TTC3: variants seen among roughly 807,000 people sequenced by gnomAD.
TTC3 encodes tetratricopeptide repeat domain 3.
A neutral mutation model predicts 249.6 loss-of-function variants in TTC3; 180 were observed. The ratio of observed to expected loss-of-function variants is 0.72; its 90% confidence interval spans 0.64 to 0.82. The LOEUF (loss-of-function observed/expected upper bound fraction) is 0.82. Among genes scored for constraint, TTC3 ranks in the 40% least tolerant of loss-of-function variants. TTC3 has a pLI of 0.00. For synonymous variants in TTC3, 717 were observed against 805.0 expected (o/e 0.89, Z 1.85); for missense variants, 2,061 against 2,398.4 (o/e 0.86, Z 2.94).
intron 11 of TTC3, among the ~76,000 whole-genome samples, chr21:37,119,992 A>G (rs1238834636): frequency 7.2e-5 from 11 of 152,188 alleles, no homozygotes; most frequent in Non-Finnish European, 1.5e-4. Flanking sequence ...TGATTGAGTC[A>G]TGTGCCCACC....
At chr21:37,156,607 G>A (rs770000204) in intron 27 of TTC3, 48 bp from the exon 28 acceptor site, 1 of 1,562,990 alleles carries the variant, frequency 6.4e-7, no homozygotes, top group African/African-American at 1.4e-5. Flanking sequence ...TGATTTTACA[G>A]TAAATAATTT....
chr21:37,197,345 G>A (rs901857850), intron 42 of TTC3, among the ~76,000 whole-genome samples: 3 of 151,168 alleles, frequency 2.0e-5, no homozygotes, highest in African/African-American at 4.9e-5. Context: ...CAGGGATCGC[G>A]CCACTGCCCT....
At chr21:37,141,124 A>G (rs556867432) in intron 20 of TTC3, among the ~76,000 whole-genome samples, 19 of 152,306 alleles carry the variant, frequency 1.2e-4, no homozygotes, top group East Asian at 9.7e-4. Flanking sequence ...TCTGAACTCT[A>G]TTGTAGTTGT....
At chr21:37,094,310 G>A (rs2073676316) in intron 8 of TTC3, among the ~76,000 whole-genome samples, 1 of 152,120 alleles carries the variant, frequency 6.6e-6, no homozygotes, top group South Asian at 2.1e-4. Flanking sequence ...TTAATGAGTT[G>A]AAGAAATATG....
intron 19 of TTC3, among the ~76,000 whole-genome samples, chr21:37,139,300 A>G (rs1016898691): frequency 3.9e-5 from 6 of 152,150 alleles, no homozygotes; most frequent in Admixed American, 2.0e-4. Context: ...CAGGCTTCCT[A>G]TAACTGCATG....
At chr21:37,081,363 G>A (rs1008772965) in intron 1 of TTC3, among the ~76,000 whole-genome samples, 3 of 151,938 alleles carry the variant, frequency 2.0e-5, no homozygotes, top group African/African-American at 7.2e-5. Flanking sequence ...TGATCTGTCC[G>A]CCTCAGCCTC....
intron 20 of TTC3, among the ~76,000 whole-genome samples, chr21:37,142,315 C>T (rs957073753): frequency 2.0e-5 from 3 of 152,204 alleles, no homozygotes; most frequent in Non-Finnish European, 4.4e-5. Flanking sequence ...CAAATTGTCC[C>T]TGTTTGCAGA....
intron 1 of TTC3, among the ~76,000 whole-genome samples, chr21:37,077,326 A>G (rs1026420755): frequency 6.6e-6 from 1 of 152,136 alleles, no homozygotes; most frequent in African/African-American, 2.4e-5. Context: ...TTGCGAGCAA[A>G]AAAAAAAGGT....
At chr21:37,160,500 G>A (rs2080603487) in intron 29 of TTC3, among the ~76,000 whole-genome samples, 1 of 152,104 alleles carries the variant, frequency 6.6e-6, no homozygotes, top group East Asian at 1.9e-4. Context: ...TACTATTATG[G>A]CATCTAACTG....
chr21:37,087,251 G>C, exon 2 of TTC3: 3 of 1,613,614 alleles, frequency 1.9e-6, no homozygotes, highest in Non-Finnish European at 2.5e-6. Context: ...CCTTAGACTT[G>C]TGCACCATGG....
chr21:37,132,469 C>T (rs1357090222), intron 16 of TTC3, among the ~76,000 whole-genome samples: 3 of 151,706 alleles, frequency 2.0e-5, no homozygotes, highest in Non-Finnish European at 4.4e-5. Context: ...TGCACCACCA[C>T]GCCAGGATAA....
chr21:37,163,411 C>T (rs563263671), intron 31 of TTC3, among the ~76,000 whole-genome samples: 13 of 152,280 alleles, frequency 8.5e-5, no homozygotes, highest in Admixed American at 1.3e-4. Flanking sequence ...AGCGCAATGG[C>T]GTGATCTCAG....
At chr21:37,181,077 C>A (rs531648607) in intron 35 of TTC3, among the ~76,000 whole-genome samples, 6 of 152,300 alleles carry the variant, frequency 3.9e-5, no homozygotes, top group African/African-American at 1.4e-4. Flanking sequence ...GTCTTCCATG[C>A]AGTCAGAAAC....
Position 37,104,285 on chromosome 21 carries a change from C to T in TTC3, c.846-4107C>T, listed in dbSNP as rs997290159. On this transcript the variant is annotated intron_variant, in intron 10 of 45. Coordinates refer to ENST00000355666, the Ensembl canonical transcript of TTC3. ...GGTAGAACTGGACTTCACTCTCGGACACTGAATCGAAGTGCCTTTGAAGGC... is the reference window on the plus strand; with the variant it reads ...GGTAGAACTGGACTTCACTCTCGGATACTGAATCGAAGTGCCTTTGAAGGC... Among the ~76,000 whole-genome samples the T allele has an allele frequency of 3.9e-5, 6 of 152,232 alleles. No homozygotes were observed. The East Asian group carries it at 9.7e-4, about 25-fold the overall frequency.
exon 44 of TTC3, chr21:37,197,911 T>C (rs148666458): frequency 9.6e-5 from 155 of 1,613,888 alleles, no homozygotes; most frequent in South Asian, 6.6e-4. Context: ...AGAGGACTTA[T>C]GAGCCCAGCT....
At chr21:37,138,778 T>C in intron 19 of TTC3, 64 bp downstream of exon 19, 1 of 1,184,986 alleles carries the variant, frequency 8.4e-7, no homozygotes. Context: ...TAAAAATTAT[T>C]TTCTCATTTT....
chr21:37,156,155 G>A (rs759622930), intron 27 of TTC3, among the ~76,000 whole-genome samples: 1 of 151,538 alleles, frequency 6.6e-6, no homozygotes, highest in Non-Finnish European at 1.5e-5. Context: ...CCCCACCTCA[G>A]CCTCCCAAGT....
intron 27 of TTC3, among the ~76,000 whole-genome samples, chr21:37,153,711 A>G (rs1046405506): frequency 2.0e-5 from 3 of 152,212 alleles, no homozygotes; most frequent in Admixed American, 2.0e-4. Flanking sequence ...AAATGTGTAG[A>G]TGTGTGAATA....
intron 22 of TTC3, 103 bp downstream of exon 22, chr21:37,147,706 A>G: frequency 1.5e-6 from 2 of 1,357,962 alleles, no homozygotes; most frequent in Non-Finnish European, 2.0e-6. Flanking sequence ...CTGGCTAGTT[A>G]GCAGTCGTCC....
Sources: allele counts gnomAD v4.1 joint callset (sites outside exome capture counted in the v4.1 genomes callset), GRCh38; gene constraint gnomAD v4.1.1; transcripts MANE v1.5; gene names NCBI Gene and HGNC (gene_info 2026-07-23, HGNC 2026-07-21).